TASP1: variants seen among roughly 807,000 people sequenced by gnomAD.
TASP1 encodes taspase 1.
TASP1 carries 16 observed loss-of-function variants against 56.6 expected under a neutral mutation model. The observed-to-expected ratio is 0.28, with a 90% CI of 0.19 to 0.43. The LOEUF (loss-of-function observed/expected upper bound fraction) is 0.43. TASP1 is among the 20% of genes least tolerant of loss of function. The pLI is 1.00. For synonymous variants in TASP1, 179 were observed against 184.2 expected (o/e 0.97, Z 0.23); for missense variants, 393 against 511.6 (o/e 0.77, Z 2.24).
chr20:13,242,784 G>A, the TASP1 span, among the ~76,000 whole-genome samples: 1 of 152,212 alleles, frequency 6.6e-6, no homozygotes, highest in African/African-American at 2.4e-5. Flanking sequence ...GGCAGCCATA[G>A]CTTAAGACAT....
chr20:13,157,895 C>T, the TASP1 span, among the ~76,000 whole-genome samples: 2 of 152,082 alleles, frequency 1.3e-5, no homozygotes, highest in Non-Finnish European at 2.9e-5. Context: ...ATTTAAAAAC[C>T]TTTGATTTTA....
intron 10 of TASP1, among the ~76,000 whole-genome samples, chr20:13,509,783 C>T (rs2044260403): frequency 1.3e-5 from 2 of 152,232 alleles, no homozygotes; most frequent in South Asian, 2.1e-4. Flanking sequence ...CGCACCATCA[C>T]GCCCGGCTAA....
At chr20:13,446,547 C>T (rs1313569799) in intron 11 of TASP1, among the ~76,000 whole-genome samples, 8 of 151,992 alleles carry the variant, frequency 5.3e-5, no homozygotes, top group Admixed American at 2.0e-4. Context: ...TGTCTTACTC[C>T]AAGGCCTATT....
intron 6 of TASP1, among the ~76,000 whole-genome samples, chr20:13,572,935 C>G (rs117982095): frequency 6.6e-6 from 1 of 151,922 alleles, no homozygotes; most frequent in African/African-American, 2.4e-5. Flanking sequence ...CAGGAACCCC[C>G]GTAATCAAAA....
the TASP1 span, among the ~76,000 whole-genome samples, chr20:13,303,126 G>A: frequency 6.6e-6 from 1 of 152,212 alleles, no homozygotes; most frequent in Non-Finnish European, 1.5e-5. Flanking sequence ...TAGCTAACTT[G>A]TTCAAGGTCA....
chr20:13,417,752 G>A (rs2042305237), intron 12 of TASP1, among the ~76,000 whole-genome samples: 1 of 152,156 alleles, frequency 6.6e-6, no homozygotes. Context: ...ATTATTACAT[G>A]TAAAATAAAT....
At chr20:13,247,514 A>AG in the TASP1 span, among the ~76,000 whole-genome samples, 81 of 127,410 alleles carry the variant, frequency 6.4e-4, no homozygotes, top group South Asian at 1.6e-3. Flanking sequence ...CAGCAAAGTG[A>AG]GGGGTGTGTG....
At chr20:13,496,497 A>G (rs372105107) in intron 10 of TASP1, among the ~76,000 whole-genome samples, 1 of 143,768 alleles carries the variant, frequency 7.0e-6, no homozygotes, top group East Asian at 2.0e-4. Flanking sequence ...AAAAAAAAAA[A>G]AGGAGGAGGA....
chr20:13,469,792 CTTTTTTTTTTTTTTT>C (rs546419566), intron 11 of TASP1, among the ~76,000 whole-genome samples: 62 of 39,546 alleles, frequency 1.6e-3, no homozygotes, highest in East Asian at 5.0e-3. Flanking sequence ...AATAAATGTC[CTTTTTTTTTTTTTTT>C]TTTTTTTTTT....
chr20:13,313,245 C>G, the TASP1 span, among the ~76,000 whole-genome samples: 1 of 152,192 alleles, frequency 6.6e-6, no homozygotes, highest in Non-Finnish European at 1.5e-5. Context: ...CTAACAATTT[C>G]CCCCCACACG....
At chr20:13,310,345 A>G in the TASP1 span, among the ~76,000 whole-genome samples, 1 of 152,204 alleles carries the variant, frequency 6.6e-6, no homozygotes, top group Non-Finnish European at 1.5e-5. Flanking sequence ...TCTTCAATAA[A>G]TGGTGCTGAG....
the TASP1 span, among the ~76,000 whole-genome samples, chr20:13,303,000 A>G: frequency 1.3e-5 from 2 of 152,322 alleles, no homozygotes; most frequent in South Asian, 4.1e-4. Flanking sequence ...AACAGCTACT[A>G]TACAAGCCAC....
At chr20:13,629,037 T>C (rs2048994076) in intron 2 of TASP1, among the ~76,000 whole-genome samples, 1 of 152,186 alleles carries the variant, frequency 6.6e-6, no homozygotes, top group South Asian at 2.1e-4. Context: ...TTAAGTCACT[T>C]AATCTCTCTG....
chr20:13,260,382 A>C, the TASP1 span, among the ~76,000 whole-genome samples: 6 of 152,236 alleles, frequency 3.9e-5, no homozygotes, highest in African/African-American at 1.2e-4. Context: ...GCTATTACCA[A>C]AAAAGCACCT....
chr20:13,152,740 G>T, the TASP1 span, among the ~76,000 whole-genome samples: 1 of 152,124 alleles, frequency 6.6e-6, no homozygotes, highest in Admixed American at 6.5e-5. Context: ...AAAGAGGAAG[G>T]GCAGGGCCAA....
chr20:13,484,451 T>C (rs1202535669), intron 10 of TASP1, among the ~76,000 whole-genome samples: 1 of 152,084 alleles, frequency 6.6e-6, no homozygotes, highest in Non-Finnish European at 1.5e-5. Flanking sequence ...ATGTGGCACA[T>C]AGGCCGGGCA....
intron 11 of TASP1, among the ~76,000 whole-genome samples, chr20:13,468,598 A>C (rs1395351149): frequency 6.6e-6 from 1 of 152,152 alleles, no homozygotes; most frequent in Non-Finnish European, 1.5e-5. Context: ...TAATCCACCA[A>C]ATGCAGCTTA....
chr20:13,224,984 T>C, the TASP1 span, among the ~76,000 whole-genome samples: 2 of 151,342 alleles, frequency 1.3e-5, no homozygotes, highest in East Asian at 3.9e-4. Context: ...TAGCTGGGAC[T>C]ACAGGCGCCT....
At chr20:13,606,974 C>G (rs1412969672) in intron 4 of TASP1, among the ~76,000 whole-genome samples, 1 of 151,990 alleles carries the variant, frequency 6.6e-6, no homozygotes, top group Non-Finnish European at 1.5e-5. Context: ...GCTATAACCC[C>G]TTAAGCAAGC....
Sources: gnomAD v4.1 joint callset for allele counts (sites outside exome capture counted in the v4.1 genomes callset) on GRCh38, gnomAD v4.1.1 for gene constraint, MANE v1.5 for transcripts, NCBI Gene and HGNC (gene_info 2026-07-23, HGNC 2026-07-21) for gene names.